Variants in ZFP64 observed in about 807,000 individuals in gnomAD.
ZFP64 encodes the protein ZFP64 zinc finger protein.
In ZFP64, 14 loss-of-function variants were observed where a neutral mutation model predicts 51.6. The observed-to-expected ratio is 0.27, with a 90% CI of 0.18 to 0.42. The LOEUF is 0.42. Ranked by LOEUF, ZFP64 falls within the 10% of genes least tolerant of loss-of-function variation. The pLI, the probability that ZFP64 is intolerant of heterozygous loss-of-function variation, is 1.00. For synonymous variants in ZFP64, 375 were observed against 361.4 expected (o/e 1.04, Z -0.43); for missense variants, 754 against 906.8 (o/e 0.83, Z 2.16).
At chr20:52,138,593 C>G (rs1600742363) in intron 5 of ZFP64, among the ~76,000 whole-genome samples, 1 of 151,390 alleles carries the variant, frequency 6.6e-6, no homozygotes, top group East Asian at 1.9e-4. Flanking sequence ...GAAAAAATGA[C>G]AAAGAACGTA....
chr20:52,094,164 T>C (rs1364134071), intron 7 of ZFP64, among the ~76,000 whole-genome samples: 1 of 152,106 alleles, frequency 6.6e-6, no homozygotes, highest in Non-Finnish European at 1.5e-5. Context: ...GTGGCATATA[T>C]GGAGCAGTCT....
intron 5 of ZFP64, among the ~76,000 whole-genome samples, chr20:52,115,896 G>C (rs926329506): frequency 6.6e-6 from 1 of 152,030 alleles, no homozygotes; most frequent in Admixed American, 6.6e-5. Context: ...ATGCATTGGT[G>C]CGATCTTGGC....
At chr20:52,104,048 G>C (rs1169179298) in intron 5 of ZFP64, among the ~76,000 whole-genome samples, 1 of 152,180 alleles carries the variant, frequency 6.6e-6, no homozygotes, top group Admixed American at 6.5e-5. Flanking sequence ...GGAAAGAGCG[G>C]GGGAGAAGAG....
intron 8 of ZFP64, among the ~76,000 whole-genome samples, chr20:52,087,503 A>G (rs1255769734): frequency 6.6e-6 from 1 of 152,218 alleles, no homozygotes; most frequent in Non-Finnish European, 1.5e-5. Context: ...AGAATGTGAA[A>G]ATTACCCAAG....
intron 1 of ZFP64, among the ~76,000 whole-genome samples, chr20:52,189,481 CTT>C (rs544103939): frequency 3.5e-5 from 5 of 144,492 alleles, no homozygotes; most frequent in Admixed American, 7.0e-5. Flanking sequence ...AATTTTTTTC[CTT>C]TTTTTTTTTG....
At chr20:52,121,281 C>T (rs1979178163) in intron 5 of ZFP64, among the ~76,000 whole-genome samples, 1 of 152,140 alleles carries the variant, frequency 6.6e-6, no homozygotes, top group Non-Finnish European at 1.5e-5. Flanking sequence ...ATGTCAAAAG[C>T]CAAGGCAGGC....
chr20:52,189,744 G>C (rs1434635841), intron 1 of ZFP64, among the ~76,000 whole-genome samples: 1 of 152,048 alleles, frequency 6.6e-6, no homozygotes, highest in Non-Finnish European at 1.5e-5. Context: ...AAAGTGCTAG[G>C]ATTACAGGCG....
At chr20:52,184,889 A>G (rs1983850662) in intron 2 of ZFP64, among the ~76,000 whole-genome samples, 1 of 152,186 alleles carries the variant, frequency 6.6e-6, no homozygotes. Flanking sequence ...TGCCCTCACA[A>G]AGGGCTGGGA....
At chr20:52,182,343 A>G (rs1473064641) in intron 2 of ZFP64, among the ~76,000 whole-genome samples, 8 of 152,186 alleles carry the variant, frequency 5.3e-5, no homozygotes, top group Non-Finnish European at 1.2e-4. Context: ...CATTCAGGAC[A>G]GTCAACAAAA....
intron 5 of ZFP64, among the ~76,000 whole-genome samples, chr20:52,125,592 G>A (rs1281402135): frequency 1.3e-5 from 2 of 152,322 alleles, no homozygotes; most frequent in Admixed American, 1.3e-4. Context: ...GCAGCTGGCT[G>A]GCCAAGCCTA....
chr20:52,096,976 G>A, intron 7 of ZFP64: 1 of 510,940 alleles, frequency 2.0e-6, no homozygotes, highest in Non-Finnish European at 3.9e-6. Flanking sequence ...AGGCCAGAAA[G>A]CTGCAAGCAA....
intron 4 of ZFP64, among the ~76,000 whole-genome samples, chr20:52,162,462 C>T (rs1270450246): frequency 6.6e-6 from 1 of 151,214 alleles, no homozygotes; most frequent in East Asian, 2.0e-4. Context: ...CTGTCTCTAC[C>T]AAAAATACAG....
At chr20:52,184,447 C>T (rs1983820939) in intron 2 of ZFP64, among the ~76,000 whole-genome samples, 1 of 152,154 alleles carries the variant, frequency 6.6e-6, no homozygotes. Flanking sequence ...CATTACCGCC[C>T]CATCCCTGTT....
At chr20:52,094,992 T>C (rs2040382315) in intron 7 of ZFP64, among the ~76,000 whole-genome samples, 1 of 152,166 alleles carries the variant, frequency 6.6e-6, no homozygotes, top group Non-Finnish European at 1.5e-5. Context: ...TACTCTTCAA[T>C]TTGAACTGAA....
At chr20:52,175,912 A>T in intron 2 of ZFP64, 2 of 966,660 alleles carry the variant, frequency 2.1e-6, no homozygotes, top group Non-Finnish European at 2.4e-6. Context: ...GAGAAAATCC[A>T]CCCCTTTCAC....
Position 52,165,866 on chromosome 20 carries a change from G to T in ZFP64, c.446C>A (p.Pro149Gln). ...PAQKRLNCCY[P>Q]GCQFKTAYGM... ...GTAGGACATAATGCTGCCTTTACCTGGATAGCAACAGTTAAGCCTTTTCTG... is the reference window on the plus strand; with the variant it reads ...GTAGGACATAATGCTGCCTTTACCTTGATAGCAACAGTTAAGCCTTTTCTG... Residue 149 changes from proline to glutamine, a missense_variant and splice_region_variant, in exon 3 of 6, where the codon CCA becomes CAA. Pro to Gln is a moderately conservative substitution (Grantham distance 76, BLOSUM62 -1). Around this residue, in one of 3 missense-constraint regions of ZFP64, gnomAD observed 231 missense variants for 336.7 expected, o/e 0.69. Coordinates refer to ENST00000216923, the MANE Select transcript of ZFP64 (RefSeq NM_018197.3). 1 of 1,614,010 alleles carries T rather than the reference G, an allele frequency of 6.2e-7. No homozygotes were observed. Among genetic ancestry groups the T allele is most frequent in the East Asian group, 2.2e-5 (1 of 44,884 alleles).
In ZFP64 at chr20:52,085,502, T is replaced by C. The variant is rs1322804097; in HGVS notation, c.1229-236A>G. 1.3e-5 allele frequency among the ~76,000 whole-genome samples: 2 copies of C among 152,152 alleles called. No individual in the cohort carries two copies. The highest frequency in any genetic ancestry group is 2.9e-5 in the Non-Finnish European group (2 of 68,030). ...ACAACTGAGGCTCAGAGAGGTCAAG[T>C]TACTTGGCTCAGGTCAAACAGCAGG... On this transcript the variant is annotated intron_variant, in intron 8 of 8. Transcript: ENST00000361387. This position sits in a 1 kb window ranked among gnomAD's most constrained non-coding sequence, Gnocchi z 4.3.
chr20:52,187,339 TGG>T (rs1250891223), intron 1 of ZFP64, among the ~76,000 whole-genome samples: 5 of 151,946 alleles, frequency 3.3e-5, no homozygotes, highest in Non-Finnish European at 7.4e-5. Context: ...TTCAGAAAAT[TGG>T]CCAGGCGCGG....
At chr20:52,084,379 CTGCTT>C (rs749002412) in exon 9 of ZFP64, 19 of 620,270 alleles carry the variant, frequency 3.1e-5, no homozygotes, top group African/African-American at 2.0e-4. Flanking sequence ...CTCCACAGCC[CTGCTT>C]TGCTTTGCTT....
Sources: allele counts gnomAD v4.1 joint callset (sites outside exome capture counted in the v4.1 genomes callset), GRCh38; gene constraint gnomAD v4.1.1; regional missense constraint gnomAD v4.1.1; non-coding constraint Gnocchi (gnomAD v3.1); transcripts MANE v1.5; gene names NCBI Gene and HGNC (gene_info 2026-07-23, HGNC 2026-07-21).